PRDM9: variants seen among roughly 807,000 people sequenced by gnomAD.
PRDM9 encodes PR/SET domain 9, also known as histone-lysine N-methyltransferase PRDM9.
PRDM9 carries 47 observed loss-of-function variants against 55.6 expected under a neutral mutation model. The observed-to-expected ratio is 0.85, with a 90% CI of 0.67 to 1.08. The LOEUF (loss-of-function observed/expected upper bound fraction) is 1.08, where lower values mean the gene tolerates loss of function less well. Among genes scored for constraint, PRDM9 ranks in the 50% least tolerant of loss-of-function variants. The probability of loss-of-function intolerance (pLI) is 0.00; values close to 1 mark genes in which losing one functional copy is unlikely to be tolerated. For synonymous variants in PRDM9, 312 were observed against 375.7 expected (o/e 0.83, Z 1.96); for missense variants, 867 against 1,040.3 (o/e 0.83, Z 2.29).
Position 23,517,787 on chromosome 5 carries a change from A to G in PRDM9, c.302-94A>G, listed in dbSNP as rs568339141. The G allele has an allele frequency of 1.9e-5, 25 of 1,307,660 alleles. No individual in the cohort carries two copies. The South Asian group carries it at 2.3e-4, about 12-fold the overall frequency. The allele number at this position is 1,307,660 out of a possible 1,614,324, so 81.0% of individuals were successfully genotyped here. ...GGGCGACAGAGGGAGACTCCGTCTC[A>G]AAAATAAAAAATAAAAATAAAAAAT... On this transcript the variant is annotated intron_variant, in intron 4 of 10. Coordinates refer to ENST00000296682, the MANE Select transcript of PRDM9 (RefSeq NM_020227.4).
chr5:23,520,284 G>A (rs1425664016), intron 5 of PRDM9, among the ~76,000 whole-genome samples: 1 of 142,032 alleles, frequency 7.0e-6, no homozygotes, highest in East Asian at 2.2e-4. Flanking sequence ...AGAATCTCTT[G>A]AACTTGGGAG....
intron 4 of PRDM9, among the ~76,000 whole-genome samples, chr5:23,517,104 G>A (rs1739227583): frequency 7.0e-6 from 1 of 142,866 alleles, no homozygotes; most frequent in Non-Finnish European, 1.5e-5. Context: ...AGTGAGCCAA[G>A]ATTGTACCAC....
At chr5:23,520,065 A>C (rs1390573811) in intron 5 of PRDM9, among the ~76,000 whole-genome samples, 2 of 118,248 alleles carry the variant, frequency 1.7e-5, no homozygotes, top group Non-Finnish European at 3.6e-5. Flanking sequence ...AAAAAAAAAG[A>C]ATTAGCATGG....
intron 9 of PRDM9, among the ~76,000 whole-genome samples, 162 bp from the exon 10 acceptor site, chr5:23,524,172 T>C (rs1739386554): frequency 6.6e-6 from 1 of 152,088 alleles, no homozygotes; most frequent in Non-Finnish European, 1.5e-5. Flanking sequence ...TATGACATTG[T>C]GAAAGAGATT....
At chr5:23,509,401 A>G in intron 2 of PRDM9, 69 bp from the exon 3 acceptor site, 1 of 1,610,248 alleles carries the variant, frequency 6.2e-7, no homozygotes, top group Non-Finnish European at 8.5e-7. Context: ...TCCTACACAC[A>G]GGGTAGAGGA....
chr5:23,517,135 A>G (rs1454583632), intron 4 of PRDM9, among the ~76,000 whole-genome samples: 1 of 143,046 alleles, frequency 7.0e-6, no homozygotes, highest in East Asian at 2.2e-4. Flanking sequence ...CCTGGGCGAC[A>G]GAGCGAGACT....
At chr5:23,521,210 C>T (rs369052751) in intron 6 of PRDM9, 31 bp downstream of exon 6, 8 of 1,609,584 alleles carry the variant, frequency 5.0e-6, no homozygotes, top group Non-Finnish European at 4.2e-6. Context: ...GGACTTTAGT[C>T]CCTCTATGTC....
intron 10 of PRDM9, among the ~76,000 whole-genome samples, chr5:23,525,529 T>C (rs532991608): frequency 6.6e-6 from 1 of 152,300 alleles, no homozygotes; most frequent in South Asian, 2.1e-4. Context: ...TCTATGCACC[T>C]AGTTGGGGTA....
rs190030421 is a variant in PRDM9 at position 23,525,594 on chromosome 5, C to T, written c.1145-639C>T. Among the ~76,000 whole-genome samples, 9 of 152,250 alleles carry T rather than the reference C, an allele frequency of 5.9e-5. No homozygotes were observed. In the East Asian group the frequency reaches 1.7e-3, roughly 29 times the overall value. ...ACCTGGACCACTCTGTGTTGGCCAA[C>T]CTGAATCCCACTTCCTGATGGAGAA... On this transcript the variant is annotated intron_variant, in intron 10 of 10. Coordinates refer to ENST00000296682, the MANE Select transcript of PRDM9 (RefSeq NM_020227.4).
intron 5 of PRDM9, among the ~76,000 whole-genome samples, chr5:23,518,548 G>A (rs1432099845): frequency 2.0e-5 from 3 of 152,192 alleles, no homozygotes; most frequent in Non-Finnish European, 4.4e-5. Context: ...GTCCCAGAAG[G>A]AGATAGGGTC....
chr5:23,510,316 C>T (rs888643158), intron 4 of PRDM9, among the ~76,000 whole-genome samples: 1 of 151,868 alleles, frequency 6.6e-6, no homozygotes, highest in Non-Finnish European at 1.5e-5. Context: ...CCATCTTGGC[C>T]TTCCAAGGTG....
intron 1 of PRDM9, among the ~76,000 whole-genome samples, chr5:23,508,140 C>A (rs1739021314): frequency 6.6e-6 from 1 of 152,010 alleles, no homozygotes; most frequent in Admixed American, 6.5e-5. Context: ...AATGAGAGAT[C>A]CAAATCTCCT....
At chr5:23,520,384 A>T (rs1335385831) in intron 5 of PRDM9, among the ~76,000 whole-genome samples, 4 of 151,380 alleles carry the variant, frequency 2.6e-5, no homozygotes, top group Non-Finnish European at 4.4e-5. Flanking sequence ...AAAAAAAAAA[A>T]AAGCATGTAT....
At chr5:23,517,152 CAAAA>C (rs753493547) in intron 4 of PRDM9, among the ~76,000 whole-genome samples, 1 of 62,622 alleles carries the variant, frequency 1.6e-5, no homozygotes. Flanking sequence ...GACTCCATCT[CAAAA>C]AAAAAAAAAA....
chr5:23,525,043 T>C (rs569631939), intron 10 of PRDM9, among the ~76,000 whole-genome samples: 1 of 152,324 alleles, frequency 6.6e-6, no homozygotes, highest in African/African-American at 2.4e-5. Context: ...TACAGACATA[T>C]GTGTAATATC....
Position 23,521,113 on chromosome 5 carries a change from G to T in PRDM9, c.442G>T (p.Ala148Ser). Residue 148 changes from alanine to serine, a missense_variant, in exon 6 of 11, where the codon GCT (alanine) becomes TCT (serine). Physicochemically the swap from Ala to Ser is moderately conservative, Grantham distance 99. Around this residue, in one of 5 missense-constraint regions of PRDM9, gnomAD observed 662 missense variants for 711.9 expected, o/e 0.93. Coordinates refer to ENST00000296682, the MANE Select transcript of PRDM9 (RefSeq NM_020227.4). ...NLLNASGSEQ[A>S]QKPVSPSGEA... is the part of the protein sequence containing the mutation. Reference sequence around the variant, plus strand: ...ACTGAATGCAAGTGGCTCAGAGCAGGCTCAGAAACCAGTGTCCCCTTCTGG... The same window carrying T: ...ACTGAATGCAAGTGGCTCAGAGCAGTCTCAGAAACCAGTGTCCCCTTCTGG... 1.2e-6 allele frequency: 2 copies of T among 1,614,146 alleles called. No individual in the cohort carries two copies. Among genetic ancestry groups the T allele is most frequent in the Non-Finnish European group, 1.7e-6 (2 of 1,180,040 alleles).
At chr5:23,508,362 A>G (rs906898009) in intron 1 of PRDM9, among the ~76,000 whole-genome samples, 1 of 151,912 alleles carries the variant, frequency 6.6e-6, no homozygotes, top group Non-Finnish European at 1.5e-5. Flanking sequence ...GAGATACCCC[A>G]AATTTCCTCA....
chr5:23,528,034 A>G lies in PRDM9; in HGVS notation c.*261A>G. ...GTTCTTTCCCGCACTGATCCCCTCCATTTTTTGTTTGTTTTTTTGCCTCCT... is the reference window on the plus strand; with the variant it reads ...GTTCTTTCCCGCACTGATCCCCTCCGTTTTTTGTTTGTTTTTTTGCCTCCT... On this transcript the variant is annotated 3_prime_UTR_variant, in exon 11 of 11. Transcript: ENST00000296682. 1.7e-6 allele frequency: 1 copy of G among 588,746 alleles called. No homozygotes were observed. The highest frequency in any genetic ancestry group is 3.0e-6 in the Non-Finnish European group (1 of 337,600). 36.5% of individuals were successfully genotyped at this position (588,746 alleles called of 1,614,324 possible). A position where few individuals can be genotyped will look rare whatever the true frequency, so the allele number is the denominator to read the frequency against.
At chr5:23,522,066 T>C (rs893430479) in intron 6 of PRDM9, among the ~76,000 whole-genome samples, 6 of 152,132 alleles carry the variant, frequency 3.9e-5, no homozygotes, top group African/African-American at 1.4e-4. Flanking sequence ...ATTTTGTAAG[T>C]AGAAATGTTG....
Sources: allele counts gnomAD v4.1 joint callset (sites outside exome capture counted in the v4.1 genomes callset), GRCh38; gene constraint gnomAD v4.1.1; regional missense constraint gnomAD v4.1.1; transcripts MANE v1.5; gene names NCBI Gene and HGNC (gene_info 2026-07-23, HGNC 2026-07-21).